The following KRT77 variants were observed in gnomAD, a reference collection of about 807,000 sequenced individuals.
The protein encoded by KRT77 is keratin 77.
KRT77 carries 44 observed loss-of-function variants against 51.5 expected under a neutral mutation model. The ratio of observed to expected loss-of-function variants is 0.85; its 90% CI spans 0.67 to 1.10. The LOEUF is 1.10. Ranked by LOEUF, KRT77 falls within the 50% of genes least tolerant of loss-of-function variation. The pLI is 0.00. For missense variants in KRT77, 763 were observed against 743.9 expected (o/e 1.03, Z -0.30); for synonymous variants, 293 against 302.0 (o/e 0.97, Z 0.31).
In KRT77 at chr12:52,691,233, G is replaced by GGCCGCTTCT; in HGVS notation, c.1660_1668dup (p.Ser555_Arg557dup). ...ATGATCTGCACGCGCGAGGATCCGC[G>GGCCGCTTCT]GCCGCTTCTGCCGCTCCCTCCGTAG... On this transcript the variant is annotated inframe_insertion, in exon 9 of 9. Transcript: ENST00000341809. The GGCCGCTTCT allele has an allele frequency of 6.2e-7, 1 of 1,613,662 alleles. No homozygotes were observed. The highest frequency in any genetic ancestry group is 8.5e-7 in the Non-Finnish European group (1 of 1,179,838).
At chr12:52,696,931 TG>T (rs1182147277) in intron 2 of KRT77, 4 of 162,152 alleles carry the variant, frequency 2.5e-5, no homozygotes, top group Admixed American at 2.3e-4. Flanking sequence ...GCCAAGGTGA[TG>T]GGAGAGAAGC....
At position 52,694,892 on chromosome 12, in the gene KRT77, G is replaced by T. The variant is rs79612830; in HGVS notation, c.916-102C>A. 4,723 of 1,064,134 alleles carry T rather than the reference G, an allele frequency of 4.4e-3. 13 individuals are homozygous for T. The highest frequency in any genetic ancestry group is 5.9e-3 in the Non-Finnish European group (4,501 of 757,848). The allele number at this position is 1,064,134 out of a possible 1,614,324, so 65.9% of individuals were successfully genotyped here. A position where few individuals can be genotyped will look rare whatever the true frequency, so the allele number is the denominator to read the frequency against. ...GGCTCTCGGGGGAAGCCAGAAGCCTGGGCCAGGTAGTCTTGGGAAAAGCTC... is the reference window on the plus strand; with the variant it reads ...GGCTCTCGGGGGAAGCCAGAAGCCTTGGCCAGGTAGTCTTGGGAAAAGCTC... On this transcript the variant is annotated intron_variant, in intron 4 of 8. Transcript: ENST00000341809.
chr12:52,695,039 G>A, intron 4 of KRT77: 1 of 277,704 alleles, frequency 3.6e-6, no homozygotes, highest in Non-Finnish European at 6.8e-6. Context: ...TCCTGCAGCT[G>A]CCACTCTGCC....
intron 8 of KRT77, 49 bp from the exon 9 acceptor site, chr12:52,691,488 C>G (rs1421269010): frequency 6.6e-7 from 1 of 1,507,100 alleles, no homozygotes; most frequent in East Asian, 2.3e-5. Context: ...CGGGCAAGGC[C>G]CCCACCTGCA....
In KRT77 at chr12:52,697,872, G is replaced by A; in HGVS notation, c.568C>T (p.Gln190Ter). The A allele has an allele frequency of 6.2e-7, 1 of 1,613,956 alleles. No individual in the cohort carries two copies. Among genetic ancestry groups the A allele is most frequent in the Non-Finnish European group, 8.5e-7 (1 of 1,179,922 alleles). ...DKVRFLEQQN[Q>*]VLQTKWELLQ... ...AACTCCCATTTTGTTTGTAGCACCT[G>A]GTTCTGCTGCTCCAGGAATCGCACC... Residue 190 changes from glutamine (Q) to a stop codon, truncating the protein, a stop_gained, in exon 2 of 9, where the codon CAG becomes TAG. Transcript: ENST00000341809. LOFTEE classifies it high-confidence loss of function.
rs201677209 is a variant in KRT77, at chr12:52,697,773, G to A, written c.667C>T (p.Arg223Trp). Residue 223 changes from arginine to tryptophan, a missense_variant, in exon 2 of 9, where the codon CGG becomes TGG. Transcript: ENST00000341809. ...GCACTGAGCAAATCCACCTGCCTCC[G>A]CAGGTCACCGATGTAGTTCTCCAAG... ...PLLENYIGDLRRQVDLLSAEQ... is the reference protein window; with the variant it reads ...PLLENYIGDLWRQVDLLSAEQ... The A allele has an allele frequency of 5.0e-6, 8 of 1,614,026 alleles. No homozygotes were observed. In the Admixed American group the frequency reaches 8.3e-5, roughly 17 times the overall value.
chr12:52,692,373 T>C lies in KRT77; in HGVS notation c.1427+48A>G, dbSNP rs760046066. 3 of 1,595,274 alleles carry C rather than the reference T, an allele frequency of 1.9e-6. 1 individual carries two copies. Among genetic ancestry groups the C allele is most frequent in the South Asian group, 2.2e-5 (2 of 90,436 alleles). Reference sequence around the variant, plus strand: ...CCAAATAGCCAGTCCCACAGCTTCATGGGTGCATCTCAAGCCTTAGCCCCA... The same window carrying C: ...CCAAATAGCCAGTCCCACAGCTTCACGGGTGCATCTCAAGCCTTAGCCCCA... On this transcript the variant is annotated intron_variant, in intron 7 of 8. Coordinates refer to ENST00000341809, the MANE Select transcript of KRT77 (RefSeq NM_175078.3).
At chr12:52,700,870 TCA>T (rs1454142600) in intron 1 of KRT77, among the ~76,000 whole-genome samples, 3 of 152,144 alleles carry the variant, frequency 2.0e-5, no homozygotes, top group African/African-American at 7.2e-5. Context: ...TGCTGTGGTG[TCA>T]AGTATAGGCT....
intron 1 of KRT77, chr12:52,698,236 A>G: frequency 2.2e-6 from 2 of 910,612 alleles, no homozygotes; most frequent in African/African-American, 1.7e-5. Flanking sequence ...CATCTGAGAC[A>G]CTGATGACCC....
At chr12:52,700,081 G>A (rs1461043686) in intron 1 of KRT77, among the ~76,000 whole-genome samples, 1 of 152,170 alleles carries the variant, frequency 6.6e-6, no homozygotes, top group African/African-American at 2.4e-5. Flanking sequence ...CTGAGGCCCT[G>A]TCCCCTTGTC....
chr12:52,702,946 C>T lies in KRT77; in HGVS notation c.489G>A (p.Gln163=), dbSNP rs1302273521. 7 of 1,613,974 alleles carry T rather than the reference C, an allele frequency of 4.3e-6. No individual in the cohort carries two copies. Among genetic ancestry groups the T allele is most frequent in the Non-Finnish European group, 4.2e-6 (5 of 1,180,044 alleles). The part of the protein sequence containing the change: ...VDPEIQRIKT[Q]EREQIMVLNN... ...TGAGAACCATAATCTGCTCCCGCTC[C>T]TGGGTCTTGATCCTCTGAATTTCAG... The change falls in exon 1 of 9, where the codon CAG becomes CAA. Residue 163 remains glutamine (Q), a synonymous_variant. Transcript: ENST00000341809.
intron 4 of KRT77, among the ~76,000 whole-genome samples, chr12:52,695,538 C>A (rs1291835251): frequency 1.3e-5 from 2 of 152,160 alleles, no homozygotes; most frequent in Non-Finnish European, 2.9e-5. Context: ...GGGACACATT[C>A]GCCTCCACCT....
At chr12:52,698,959 T>TC (rs1941842424) in intron 1 of KRT77, among the ~76,000 whole-genome samples, 1 of 152,012 alleles carries the variant, frequency 6.6e-6, no homozygotes, top group Non-Finnish European at 1.5e-5. Context: ...GTCCTCCAAA[T>TC]CCCCCGGCCC....
chr12:52,694,737 C>T lies in KRT77; in HGVS notation c.969G>A (p.Met323Ile). The change falls in exon 5 of 9, where the codon ATG becomes ATA. Residue 323 changes from methionine to isoleucine, a missense_variant. Coordinates refer to ENST00000341809, the MANE Select transcript of KRT77 (RefSeq NM_175078.3). ...HISDTNVILS[M>I]DNNRSLDLDS... ...CCAGGTCCAGGGAACGGTTATTGTC[C>T]ATGGACAGGATGACGTTGGTGTCGC... 1 of 1,613,064 alleles carries T rather than the reference C, an allele frequency of 6.2e-7. No homozygotes were observed. Among genetic ancestry groups the T allele is most frequent in the Non-Finnish European group, 8.5e-7 (1 of 1,179,218 alleles).
At chr12:52,694,488 A>G (rs1030012518) in intron 5 of KRT77, 138 bp downstream of exon 5, 2 of 765,462 alleles carry the variant, frequency 2.6e-6, no homozygotes, top group Admixed American at 3.3e-5. Context: ...GAGATGGGTA[A>G]TCTTTACATG....
chr12:52,698,523 G>A (rs948047626), intron 1 of KRT77, among the ~76,000 whole-genome samples: 1 of 152,186 alleles, frequency 6.6e-6, no homozygotes, highest in African/African-American at 2.4e-5. Context: ...CCCAAAGTGA[G>A]GACTTTGGGT....
chr12:52,691,790 C>T, intron 8 of KRT77, 148 bp downstream of exon 8: 1 of 827,858 alleles, frequency 1.2e-6, no homozygotes, highest in Non-Finnish European at 2.0e-6. Context: ...TTCTTCCAGG[C>T]TTTGCCATTA....
rs978638289 is a variant in KRT77 at position 52,691,351 on chromosome 12, C to T, written c.1551G>A (p.Gly517=). The T allele has an allele frequency of 5.0e-6, 8 of 1,594,644 alleles. No individual in the cohort carries two copies. Among genetic ancestry groups the T allele is most frequent in the Admixed American group, 3.4e-5 (2 of 58,624 alleles). ...GSGGYGGGSG[G]GYGGGRSYRG... is the part of the protein sequence containing the mutation. Reference sequence around the variant, plus strand: ...GGTAGCTTCTTCCGCCGCCATAGCCCCCACCGCTGCCGCCGCCGTAGCCTC... The same window carrying T: ...GGTAGCTTCTTCCGCCGCCATAGCCTCCACCGCTGCCGCCGCCGTAGCCTC... The change falls in exon 9 of 9, where the codon GGG becomes GGA. Residue 517 remains glycine (G), a synonymous_variant. Coordinates refer to ENST00000341809, the MANE Select transcript of KRT77 (RefSeq NM_175078.3).
rs930369963 is a variant in KRT77 at position 52,695,047 on chromosome 12, G to A, written c.916-257C>T. On this transcript the variant is annotated intron_variant, in intron 4 of 8. Transcript: ENST00000341809. The stretch of plus-strand genomic sequence containing the variant: ...ACACTTCTCCTGCAGCTGCCACTCT[G>A]CCTTGCTCTGACTTGGCCACCATAG... 1.1e-5 allele frequency: 3 copies of A among 267,914 alleles called. No individual in the cohort carries two copies. In the South Asian group the frequency reaches 2.9e-4, roughly 26 times the overall value. The allele number at this position is 267,914 out of a possible 1,614,324, so 16.6% of individuals were successfully genotyped here.
Sources: gnomAD v4.1 joint callset for allele counts (sites outside exome capture counted in the v4.1 genomes callset) on GRCh38, gnomAD v4.1.1 for gene constraint, MANE v1.5 for transcripts, NCBI Gene and HGNC (gene_info 2026-07-23, HGNC 2026-07-21) for gene names.